Variants in SOX11 observed in about 807,000 individuals in gnomAD.
SOX11 encodes transcription factor SOX-11.
A neutral mutation model predicts 16.7 loss-of-function variants in SOX11; 5 were observed. That is an observed-to-expected ratio of 0.30 (90% confidence interval 0.16 to 0.63). SOX11 has a LOEUF of 0.63. SOX11 is among the 20% of genes least tolerant of loss of function. The pLI, the probability that SOX11 is intolerant of heterozygous loss-of-function variation, is 0.82. For synonymous variants in SOX11, 363 were observed against 298.8 expected, an observed-to-expected ratio of 1.21 and a Z score of -2.22; for missense variants, 492 against 641.5, an observed-to-expected ratio of 0.77 and a Z score of 2.52.
chr2:5,692,827 G>C lies in SOX11; in HGVS notation c.106G>C (p.Glu36Gln). The C allele has an allele frequency of 1.2e-6, 2 of 1,613,372 alleles. No individual in the cohort carries two copies. The highest frequency in any genetic ancestry group is 1.7e-6 in the Non-Finnish European group (2 of 1,179,700). The change falls in exon 1 of 1, where the codon GAG (glutamate) becomes CAG (glutamine). Residue 36 changes from glutamate to glutamine, a missense_variant. Physicochemically the swap from Glu to Gln is conservative, Grantham distance 29. This residue lies in a region of SOX11 where 44 missense variants were observed against 48.5 expected (regional missense o/e 0.91). Coordinates refer to ENST00000322002, the MANE Select transcript of SOX11 (RefSeq NM_003108.4). ...FMACSPVALD[E>Q]SDPDWCKTAS... ...GGCTTGCAGCCCGGTGGCCCTGGAC[G>C]AGAGCGACCCAGACTGGTGCAAGAC...
Position 5,692,532 on chromosome 2 carries a change from T to G in SOX11, c.-190T>G. On this transcript the variant is annotated 5_prime_UTR_variant, in exon 1 of 1. Transcript: ENST00000322002. ...GCAGCTCCCACCGCGCCGGCGGCCG[T>G]CGTCGCCGAAGCCACCACAGCCGCT... 1 of 440,512 alleles carries G rather than the reference T, an allele frequency of 2.3e-6. No homozygotes were observed. The highest frequency in any genetic ancestry group is 3.7e-6 in the Non-Finnish European group (1 of 271,582). 27.3% of individuals were successfully genotyped at this position (440,512 alleles called of 1,614,324 possible).
In SOX11 at chr2:5,699,916, C is replaced by T. The variant is rs1338522172; in HGVS notation, c.*5869C>T. On this transcript the variant is annotated 3_prime_UTR_variant, in exon 1 of 1. Coordinates refer to ENST00000322002, the MANE Select transcript of SOX11 (RefSeq NM_003108.4). Reference sequence around the variant, plus strand: ...TTTAAAGGAGACCTATTTTTATACTCAATAAAAGCACAAAAGTGCAGAAAG... The same window carrying T: ...TTTAAAGGAGACCTATTTTTATACTTAATAAAAGCACAAAAGTGCAGAAAG... The T allele has an allele frequency of 6.0e-6, 1 of 166,880 alleles. No homozygotes were observed. Among genetic ancestry groups the T allele is most frequent in the African/African-American group, 2.4e-5 (1 of 41,388 alleles). 10.3% of individuals were successfully genotyped at this position (166,880 alleles called of 1,614,324 possible).
Position 5,692,648 on chromosome 2 carries a change from G to A in SOX11, c.-74G>A. Reference sequence around the variant, plus strand: ...TTGCAACTTGCCCAGGAAGGTGGAGGGGTGGGAGGGGGAGGGGGACCTCCG... The same window carrying A: ...TTGCAACTTGCCCAGGAAGGTGGAGAGGTGGGAGGGGGAGGGGGACCTCCG... On this transcript the variant is annotated 5_prime_UTR_variant, in exon 1 of 1. Transcript: ENST00000322002. 1.6e-6 allele frequency: 2 copies of A among 1,289,236 alleles called. No individual in the cohort carries two copies. The highest frequency in any genetic ancestry group is 2.1e-6 in the Non-Finnish European group (2 of 949,228). The allele number at this position is 1,289,236 out of a possible 1,614,324, so 79.9% of individuals were successfully genotyped here.
Position 5,692,811 on chromosome 2 carries a change from C to A in SOX11, c.90C>A (p.Ser30Arg). The change falls in exon 1 of 1, where the codon AGC (serine) becomes AGA (arginine). Residue 30 changes from serine (S) to arginine (R), a missense_variant. Around this residue, in one of 4 missense-constraint regions of SOX11, gnomAD observed 44 missense variants for 48.5 expected, o/e 0.91. Coordinates refer to ENST00000322002, the MANE Select transcript of SOX11 (RefSeq NM_003108.4). ...AGGAGGGCGAATTCATGGCTTGCAGCCCGGTGGCCCTGGACGAGAGCGACC... is the reference window on the plus strand; with the variant it reads ...AGGAGGGCGAATTCATGGCTTGCAGACCGGTGGCCCTGGACGAGAGCGACC... ...DTEEGEFMAC[S>R]PVALDESDPD... 1 of 1,613,004 alleles carries A rather than the reference C, an allele frequency of 6.2e-7. No individual in the cohort carries two copies. Among genetic ancestry groups the A allele is most frequent in the Non-Finnish European group, 8.5e-7 (1 of 1,179,502 alleles).
Position 5,693,878 on chromosome 2 carries a change from C to G in SOX11, c.1157C>G (p.Ala386Gly), listed in dbSNP as rs1454287063. The change falls in exon 1 of 1, where the codon GCG (alanine) becomes GGG (glycine). Residue 386 changes from alanine (A) to glycine (G), a missense_variant. Around this residue, in one of 4 missense-constraint regions of SOX11, gnomAD observed 31 missense variants for 78.3 expected, o/e 0.40. Coordinates refer to ENST00000322002, the MANE Select transcript of SOX11 (RefSeq NM_003108.4). The surrounding 1 kb of genome is among the most constrained non-coding windows in gnomAD (Gnocchi z 8.6). Reference protein sequence around the residue: ...ASEQQLGGGAAAGNLSLSLVD... With the variant: ...ASEQQLGGGAGAGNLSLSLVD... ...GAGCAGCAGCTGGGGGGCGGCGCGG[C>G]GGCCGGGAACCTGTCCCTGTCGCTG... 2 of 1,551,438 alleles carry G rather than the reference C, an allele frequency of 1.3e-6. No homozygotes were observed. Among genetic ancestry groups the G allele is most frequent in the South Asian group, 2.4e-5 (2 of 84,052 alleles).
chr2:5,693,630 G>C lies in SOX11; in HGVS notation c.909G>C (p.Ser303=), dbSNP rs770303432. Residue 303 remains serine, a synonymous_variant, in exon 1 of 1, where the codon TCG becomes TCC. Coordinates refer to ENST00000322002, the MANE Select transcript of SOX11 (RefSeq NM_003108.4). The surrounding 1 kb of genome is among the most constrained non-coding windows in gnomAD (Gnocchi z 8.6). ...LYDEVRAGAT[S]GAGGGSRLYY... Reference sequence around the variant, plus strand: ...ACGAGGTGCGGGCCGGCGCGACCTCGGGCGCCGGGGGCGGCAGCCGCCTCT... The same window carrying C: ...ACGAGGTGCGGGCCGGCGCGACCTCCGGCGCCGGGGGCGGCAGCCGCCTCT... The C allele has an allele frequency of 1.0e-5, 16 of 1,577,368 alleles. No individual in the cohort carries two copies. The highest frequency in any genetic ancestry group is 9.5e-5 in the African/African-American group (7 of 74,018).
At position 5,693,171 on chromosome 2, in the gene SOX11, G is replaced by A. The variant is rs762444705; in HGVS notation, c.450G>A (p.Ala150=). The change falls in exon 1 of 1, where the codon GCG becomes GCA. Residue 150 remains alanine (A), a synonymous_variant. Coordinates refer to ENST00000322002, the MANE Select transcript of SOX11 (RefSeq NM_003108.4). This position sits in a 1 kb window ranked among gnomAD's most constrained non-coding sequence, Gnocchi z 8.6. ...KSAAGGGGGS[A]GGGAGGAKTS... The stretch of plus-strand genomic sequence containing the variant: ...CGGCCGGCGGCGGCGGCGGGAGCGC[G>A]GGCGGAGGCGCGGGCGGTGCCAAGA... 2.6e-6 allele frequency: 4 copies of A among 1,566,222 alleles called. No homozygotes were observed. Among genetic ancestry groups the A allele is most frequent in the Admixed American group, 1.9e-5 (1 of 53,912 alleles).
In SOX11 at chr2:5,694,429, ATTGC is replaced by A; in HGVS notation, c.*383_*386del. 6.7e-6 allele frequency: 1 copy of A among 150,374 alleles called. No homozygotes were observed. The highest frequency in any genetic ancestry group is 1.5e-5 in the Non-Finnish European group (1 of 64,640). The allele number at this position is 150,374 out of a possible 1,614,324, so 9.3% of individuals were successfully genotyped here. ...CTATTTCTTTTTCCTGAAATTCGTG[ATTGC>A]AACAAAGGCAGAGGGGGCGGGGCGG... On this transcript the variant is annotated 3_prime_UTR_variant, in exon 1 of 1. Coordinates refer to ENST00000322002, the MANE Select transcript of SOX11 (RefSeq NM_003108.4).
In SOX11 at chr2:5,698,855, T is replaced by A. The variant is rs1311682056; in HGVS notation, c.*4808T>A. On this transcript the variant is annotated 3_prime_UTR_variant, in exon 1 of 1. Transcript: ENST00000322002. ...CTTCTGGGACTTGAAATCATAATCA[T>A]CTGATATTAGTACAGTACAAGAAAT... 1.8e-5 allele frequency: 3 copies of A among 167,064 alleles called. No individual in the cohort carries two copies. The highest frequency in any genetic ancestry group is 2.9e-5 in the Non-Finnish European group (2 of 68,110). The allele number at this position is 167,064 out of a possible 1,614,324, so 10.3% of individuals were successfully genotyped here. A position where few individuals can be genotyped will look rare whatever the true frequency, so the allele number is the denominator to read the frequency against.
In SOX11 at chr2:5,694,054, C is replaced by A. The variant is rs1228296296; in HGVS notation, c.*7C>A. 1 of 1,544,976 alleles carries A rather than the reference C, an allele frequency of 6.5e-7. No homozygotes were observed. The highest frequency in any genetic ancestry group is 8.7e-7 in the Non-Finnish European group (1 of 1,143,440). On this transcript the variant is annotated 3_prime_UTR_variant, in exon 1 of 1. Coordinates refer to ENST00000322002, the MANE Select transcript of SOX11 (RefSeq NM_003108.4). ...CCTGGTGTTCACATATTGAAAGGCG[C>A]CCGCTGCTCGCTCTTTCTCTCGGAG...
rs1317383101 is a variant in SOX11, at chr2:5,701,057, T to C, written c.*7010T>C. On this transcript the variant is annotated 3_prime_UTR_variant, in exon 1 of 1. Coordinates refer to ENST00000322002, the MANE Select transcript of SOX11 (RefSeq NM_003108.4). ...AGCACTAGGGGGGAAAGAAAATGCATGGCAAAGTTTCGTCTTCTCGTAGAC... is the reference window on the plus strand; with the variant it reads ...AGCACTAGGGGGGAAAGAAAATGCACGGCAAAGTTTCGTCTTCTCGTAGAC... The C allele has an allele frequency of 6.0e-6, 1 of 167,002 alleles. No homozygotes were observed. The highest frequency in any genetic ancestry group is 2.4e-5 in the African/African-American group (1 of 41,428). 10.3% of individuals were successfully genotyped at this position (167,002 alleles called of 1,614,324 possible). A position where few individuals can be genotyped will look rare whatever the true frequency, so the allele number is the denominator to read the frequency against.
At position 5,695,201 on chromosome 2, in the gene SOX11, T is replaced by C. The variant is rs1310542339; in HGVS notation, c.*1154T>C. 1.2e-5 allele frequency: 2 copies of C among 165,642 alleles called. No individual in the cohort carries two copies. The allele number at this position is 165,642 out of a possible 1,614,324, so 10.3% of individuals were successfully genotyped here. On this transcript the variant is annotated 3_prime_UTR_variant, in exon 1 of 1. Transcript: ENST00000322002. ...ATCCTTGCATCTAAAGGCCTTGTGG[T>C]TTAAAAAAAAAAAGCAAACTTTTTT...
chr2:5,695,095 C>CT lies in SOX11; in HGVS notation c.*1056dup, dbSNP rs199750994. ...TCAGGCACTTCTTCCCTTTTGATTT[C>CT]TTTTTTTTCCTCTGTTTTTTAGCAT... is the stretch of plus-strand genomic sequence containing the variant. On this transcript the variant is annotated 3_prime_UTR_variant, in exon 1 of 1. Coordinates refer to ENST00000322002, the MANE Select transcript of SOX11 (RefSeq NM_003108.4). 3,703 of 166,184 alleles carry CT rather than the reference C, an allele frequency of 0.022. 61 individuals are homozygous for CT. The highest frequency in any genetic ancestry group is 0.032 in the Non-Finnish European group (2,142 of 67,892). 10.3% of individuals were successfully genotyped at this position (166,184 alleles called of 1,614,324 possible).
rs1296917807 is a variant in SOX11 at position 5,696,757 on chromosome 2, G to A, written c.*2710G>A. 3 of 152,186 alleles carry A rather than the reference G, an allele frequency of 2.0e-5. No homozygotes were observed. Among genetic ancestry groups the A allele is most frequent in the Admixed American group, 1.3e-4 (2 of 15,280 alleles). The allele number at this position is 152,186 out of a possible 1,614,324, so 9.4% of individuals were successfully genotyped here. A position where few individuals can be genotyped will look rare whatever the true frequency, so the allele number is the denominator to read the frequency against. On this transcript the variant is annotated 3_prime_UTR_variant, in exon 1 of 1. Coordinates refer to ENST00000322002, the MANE Select transcript of SOX11 (RefSeq NM_003108.4). ...CCTCGGGGCTGCGGGGTGAGAGGAA[G>A]AAAGCAAACCCGGGGAGCAGGCGGC...
rs1462792087 is a variant in SOX11 at position 5,695,037 on chromosome 2, G to A, written c.*990G>A. ...GGCGTATTTTTGTACAGTGAAAAGG[G>A]AACATTCTTGCTGTGTTTTTTCAGT... is the stretch of plus-strand genomic sequence containing the variant. On this transcript the variant is annotated 3_prime_UTR_variant, in exon 1 of 1. Coordinates refer to ENST00000322002, the MANE Select transcript of SOX11 (RefSeq NM_003108.4). 6.0e-6 allele frequency: 1 copy of A among 166,746 alleles called. No homozygotes were observed. Among genetic ancestry groups the A allele is most frequent in the African/African-American group, 2.4e-5 (1 of 41,358 alleles). 10.3% of individuals were successfully genotyped at this position (166,746 alleles called of 1,614,324 possible).
Position 5,694,563 on chromosome 2 carries a change from C to A in SOX11, c.*516C>A, listed in dbSNP as rs1665695907. The A allele has an allele frequency of 4.4e-6, 1 of 229,388 alleles. No individual in the cohort carries two copies. 14.2% of individuals were successfully genotyped at this position (229,388 alleles called of 1,614,324 possible). A position where few individuals can be genotyped will look rare whatever the true frequency, so the allele number is the denominator to read the frequency against. ...GACCCTTTTGGCAGCACAACTGTTACTCTAGGGAGTTGGTGGAGATATTTT... is the reference window on the plus strand; with the variant it reads ...GACCCTTTTGGCAGCACAACTGTTAATCTAGGGAGTTGGTGGAGATATTTT... On this transcript the variant is annotated 3_prime_UTR_variant, in exon 1 of 1. Coordinates refer to ENST00000322002, the MANE Select transcript of SOX11 (RefSeq NM_003108.4).
chr2:5,692,782 A>G lies in SOX11; in HGVS notation c.61A>G (p.Thr21Ala). ...CAACCTGCCCCGGGAGGCGCTGGAC[A>G]CGGAGGAGGGCGAATTCATGGCTTG... Reference protein sequence around the residue: ...ESNLPREALDTEEGEFMACSP... With the variant: ...ESNLPREALDAEEGEFMACSP... Residue 21 changes from threonine (T) to alanine (A), a missense_variant, in exon 1 of 1, where the codon ACG (threonine) becomes GCG (alanine). Thr to Ala is a moderately conservative substitution (Grantham distance 58, BLOSUM62 0). Transcript: ENST00000322002. 6.2e-7 allele frequency: 1 copy of G among 1,612,222 alleles called. No homozygotes were observed. Among genetic ancestry groups the G allele is most frequent in the Non-Finnish European group, 8.5e-7 (1 of 1,178,832 alleles).
rs1376458719 is a variant in SOX11, at chr2:5,696,348, A to T, written c.*2301A>T. On this transcript the variant is annotated 3_prime_UTR_variant, in exon 1 of 1. Transcript: ENST00000322002. Reference sequence around the variant, plus strand: ...GGCCGTGGAGCTGTCGGAGGGAAGGAGGACGGTGCGGGGCCGCAGGGGGCG... The same window carrying T: ...GGCCGTGGAGCTGTCGGAGGGAAGGTGGACGGTGCGGGGCCGCAGGGGGCG... The T allele has an allele frequency of 6.0e-6, 1 of 167,764 alleles. No homozygotes were observed. Among genetic ancestry groups the T allele is most frequent in the Non-Finnish European group, 1.5e-5 (1 of 68,728 alleles). 10.4% of individuals were successfully genotyped at this position (167,764 alleles called of 1,614,324 possible). A position where few individuals can be genotyped will look rare whatever the true frequency, so the allele number is the denominator to read the frequency against.
Position 5,692,774 on chromosome 2 carries a change from C to T in SOX11, c.53C>T (p.Ala18Val), listed in dbSNP as rs768889757. 3 of 1,610,946 alleles carry T rather than the reference C, an allele frequency of 1.9e-6. No individual in the cohort carries two copies. The highest frequency in any genetic ancestry group is 1.7e-6 in the Non-Finnish European group (2 of 1,178,036). Reference protein sequence around the residue: ...LEAESNLPREALDTEEGEFMA... With the variant: ...LEAESNLPREVLDTEEGEFMA... ...GCGGAGAGCAACCTGCCCCGGGAGG[C>T]GCTGGACACGGAGGAGGGCGAATTC... is the stretch of plus-strand genomic sequence containing the variant. The change falls in exon 1 of 1, where the codon GCG (alanine) becomes GTG (valine). Residue 18 changes from alanine to valine, a missense_variant. Transcript: ENST00000322002.
Sources: allele counts gnomAD v4.1 joint callset, GRCh38; gene constraint gnomAD v4.1.1; regional missense constraint gnomAD v4.1.1; non-coding constraint Gnocchi (gnomAD v3.1); transcripts MANE v1.5; gene names NCBI Gene and HGNC (gene_info 2026-07-23, HGNC 2026-07-21).